Variants in CDH18 observed in about 807,000 individuals in gnomAD.
CDH18 encodes the protein cadherin 18.
Under a neutral mutation model 67.9 loss-of-function variants are expected in CDH18, and 31 were observed. The ratio of observed to expected loss-of-function variants is 0.46; its 90% CI spans 0.34 to 0.62. The LOEUF is 0.62. Ranked by LOEUF, CDH18 falls within the 20% of genes least tolerant of loss-of-function variation. The probability of loss-of-function intolerance (pLI) is 0.01; values close to 1 mark genes in which losing one functional copy is unlikely to be tolerated. For missense variants in CDH18, 890 were observed against 975.5 expected, an observed-to-expected ratio of 0.91 and a Z score of 1.17; for synonymous variants, 362 against 347.2, an observed-to-expected ratio of 1.04 and a Z score of -0.48.
intron 3 of CDH18, among the ~76,000 whole-genome samples, chr5:19,837,313 C>T (rs890698843): frequency 3.3e-5 from 5 of 151,948 alleles, no homozygotes; most frequent in African/African-American, 4.8e-5. Flanking sequence ...ATGTAGATGA[C>T]GGGTTGATGG....
chr5:20,057,284 G>C (rs1742076825), intron 2 of CDH18, among the ~76,000 whole-genome samples: 1 of 152,058 alleles, frequency 6.6e-6, no homozygotes, highest in Admixed American at 6.5e-5. Context: ...CAAAAAAGAA[G>C]TAACTGTCAG....
At chr5:19,524,159 T>A (rs564793488) in intron 9 of CDH18, among the ~76,000 whole-genome samples, 2 of 151,756 alleles carry the variant, frequency 1.3e-5, no homozygotes, top group Non-Finnish European at 2.9e-5. Flanking sequence ...TCTTTGTAGA[T>A]ATCAAGAATT....
intron 3 of CDH18, among the ~76,000 whole-genome samples, chr5:19,790,155 C>T (rs1262323596): frequency 2.0e-5 from 3 of 152,056 alleles, no homozygotes; most frequent in Non-Finnish European, 4.4e-5. Context: ...CATAACACCC[C>T]TGCTATCAAG....
intron 2 of CDH18, among the ~76,000 whole-genome samples, chr5:19,912,170 T>C (rs535339744): frequency 7.0e-5 from 10 of 142,540 alleles, no homozygotes; most frequent in Non-Finnish European, 1.6e-4. Flanking sequence ...TGTTTAGCTA[T>C]TAACAATAAT....
chr5:19,543,888 T>G lies in CDH18; in HGVS notation c.1371A>C (p.Thr457=). ...GTTTACCAATTTCTGAAGCAGTGAC[T>G]GTGATGTTGTACCATGGAGTTTCTT... The part of the protein sequence containing the change: ...DREETPWYNI[T]VTASEIDNPD... The change falls in exon 9 of 13, where the codon ACA becomes ACC. Residue 457 remains threonine (T), a synonymous_variant. Coordinates refer to ENST00000382275, the MANE Select transcript of CDH18 (RefSeq NM_004934.5). The G allele has an allele frequency of 6.3e-7, 1 of 1,581,832 alleles. No individual in the cohort carries two copies. Among genetic ancestry groups the G allele is most frequent in the Non-Finnish European group, 8.6e-7 (1 of 1,159,556 alleles).
At chr5:19,830,070 C>T (rs1178759076) in intron 3 of CDH18, among the ~76,000 whole-genome samples, 1 of 152,116 alleles carries the variant, frequency 6.6e-6, no homozygotes, top group Non-Finnish European at 1.5e-5. Context: ...AATATAAAAT[C>T]TAAAGCTATA....
chr5:19,493,626 A>C (rs1258338295), intron 11 of CDH18, among the ~76,000 whole-genome samples: 1 of 152,058 alleles, frequency 6.6e-6, no homozygotes, highest in Non-Finnish European at 1.5e-5. Flanking sequence ...TCATATTGAC[A>C]ATATGCAAAG....
intron 1 of CDH18, among the ~76,000 whole-genome samples, chr5:20,443,315 G>A (rs113198365): frequency 7.9e-5 from 12 of 151,290 alleles, no homozygotes; most frequent in Non-Finnish European, 1.5e-4. Context: ...TGCTTTAAGA[G>A]ATACATCCAT....
intron 5 of CDH18, among the ~76,000 whole-genome samples, chr5:19,631,231 G>C (rs567749664): frequency 1.3e-5 from 2 of 151,908 alleles, no homozygotes; most frequent in African/African-American, 4.8e-5. Context: ...AATATTTCAC[G>C]CATATGAATA....
At chr5:20,468,883 A>G (rs1261492519) in intron 1 of CDH18, among the ~76,000 whole-genome samples, 1 of 152,222 alleles carries the variant, frequency 6.6e-6, no homozygotes, top group African/African-American at 2.4e-5. Flanking sequence ...GTAAAGGGCT[A>G]AATTTAAAAT....
At chr5:20,239,452 T>C (rs1742723080) in intron 2 of CDH18, among the ~76,000 whole-genome samples, 1 of 151,832 alleles carries the variant, frequency 6.6e-6, no homozygotes, top group South Asian at 2.1e-4. Flanking sequence ...CAAGACTCCA[T>C]CTCCAAAAAA....
intron 11 of CDH18, among the ~76,000 whole-genome samples, chr5:19,498,172 A>T (rs143277974): frequency 6.6e-6 from 1 of 152,282 alleles, no homozygotes; most frequent in East Asian, 1.9e-4. Flanking sequence ...TGTATCAGAG[A>T]GTATCATTAT....
intron 3 of CDH18, among the ~76,000 whole-genome samples, chr5:19,810,331 A>G (rs2149890925): frequency 6.6e-6 from 1 of 150,418 alleles, no homozygotes. Flanking sequence ...ACTCCGTCTC[A>G]AAAAAAATAA....
chr5:19,510,977 A>G (rs746640498), intron 10 of CDH18, among the ~76,000 whole-genome samples: 2 of 151,936 alleles, frequency 1.3e-5, no homozygotes, highest in African/African-American at 2.4e-5. Context: ...ATGCCTAGCT[A>G]ATTTTTTGTA....
At chr5:20,211,364 T>G (rs1029846886) in intron 2 of CDH18, among the ~76,000 whole-genome samples, 1 of 152,068 alleles carries the variant, frequency 6.6e-6, no homozygotes, top group Non-Finnish European at 1.5e-5. Flanking sequence ...GACTTAAATG[T>G]CCCTGTCTGA....
At chr5:20,555,241 G>A (rs1158173080) in intron 1 of CDH18, among the ~76,000 whole-genome samples, 1 of 151,914 alleles carries the variant, frequency 6.6e-6, no homozygotes, top group Non-Finnish European at 1.5e-5. Flanking sequence ...TACCGGCCAG[G>A]AAGACAGCCT....
intron 5 of CDH18, among the ~76,000 whole-genome samples, chr5:19,680,390 C>T (rs910684217): frequency 6.6e-6 from 1 of 151,912 alleles, no homozygotes; most frequent in African/African-American, 2.4e-5. Context: ...GATTAATATG[C>T]CAAAATCAAT....
chr5:19,898,145 T>A (rs1395095514), intron 2 of CDH18, among the ~76,000 whole-genome samples: 4 of 152,220 alleles, frequency 2.6e-5, no homozygotes, highest in African/African-American at 9.6e-5. Context: ...TTTCTCTATA[T>A]TATTTTATTT....
At chr5:19,800,210 A>G (rs573474533) in intron 3 of CDH18, among the ~76,000 whole-genome samples, 2 of 152,242 alleles carry the variant, frequency 1.3e-5, no homozygotes, top group Admixed American at 6.5e-5. Flanking sequence ...GAAGCTCAGG[A>G]GTCAAACATT....
Sources: gnomAD v4.1 joint callset for allele counts (sites outside exome capture counted in the v4.1 genomes callset) on GRCh38, gnomAD v4.1.1 for gene constraint, MANE v1.5 for transcripts, NCBI Gene and HGNC (gene_info 2026-07-23, HGNC 2026-07-21) for gene names.